PCDH9: variants seen among roughly 807,000 people sequenced by gnomAD.
The protein encoded by PCDH9 is protocadherin-9.
In PCDH9, 24 loss-of-function variants were observed where a neutral mutation model predicts 70.6. The observed-to-expected ratio is 0.34, with a 90% CI of 0.25 to 0.48. PCDH9 has a LOEUF of 0.48. Among genes scored for constraint, PCDH9 ranks in the 20% least tolerant of loss-of-function variants. PCDH9 has a pLI of 0.99. For synonymous variants in PCDH9, 562 were observed against 558.5 expected (o/e 1.01, Z -0.09); for missense variants, 1,281 against 1,503.6 (o/e 0.85, Z 2.45).
At chr13:66,999,268 G>A (rs1269527563) in intron 2 of PCDH9, among the ~76,000 whole-genome samples, 2 of 152,068 alleles carry the variant, frequency 1.3e-5, no homozygotes, top group South Asian at 4.1e-4. Flanking sequence ...TGAGATACAG[G>A]TTTCAGTCAG....
At chr13:67,036,579 A>G (rs1263107807) in intron 2 of PCDH9, among the ~76,000 whole-genome samples, 1 of 152,210 alleles carries the variant, frequency 6.6e-6, no homozygotes, top group African/African-American at 2.4e-5. Context: ...ATAAATGTCA[A>G]CTTCAGGTTT....
intron 3 of PCDH9, among the ~76,000 whole-genome samples, chr13:66,822,309 T>G (rs944794037): frequency 1.3e-5 from 2 of 152,078 alleles, no homozygotes; most frequent in African/African-American, 4.8e-5. Context: ...AAATCAGACA[T>G]CTCTCATTAA....
At chr13:67,089,495 C>T (rs371755707) in intron 2 of PCDH9, among the ~76,000 whole-genome samples, 46 of 152,068 alleles carry the variant, frequency 3.0e-4, no homozygotes, top group South Asian at 1.5e-3. Context: ...ATATACCATA[C>T]CCATATATTG....
chr13:66,700,930 A>ATGTG (rs2078633986), intron 3 of PCDH9, among the ~76,000 whole-genome samples: 1 of 61,958 alleles, frequency 1.6e-5, no homozygotes, highest in Non-Finnish European at 3.0e-5. Flanking sequence ...ATAAATATAT[A>ATGTG]TATATATATA....
intron 2 of PCDH9, among the ~76,000 whole-genome samples, chr13:67,192,129 T>C (rs1927819): frequency 0.11 from 16,746 of 152,108 alleles, 1,127 homozygotes; most frequent in South Asian, 0.17. Flanking sequence ...CAGTTCCTAG[T>C]ACATATTAAA....
chr13:66,607,493 C>T (rs1344644514), intron 4 of PCDH9, among the ~76,000 whole-genome samples: 1 of 151,938 alleles, frequency 6.6e-6, no homozygotes, highest in African/African-American at 2.4e-5. Flanking sequence ...ATATGAACTA[C>T]TCATAGTAAA....
chr13:66,424,068 C>T (rs977907881), intron 4 of PCDH9, among the ~76,000 whole-genome samples: 1 of 152,112 alleles, frequency 6.6e-6, no homozygotes, highest in African/African-American at 2.4e-5. Flanking sequence ...AGCCAACTCC[C>T]ATTCACAATT....
At chr13:66,498,324 T>C (rs1253586873) in intron 4 of PCDH9, among the ~76,000 whole-genome samples, 1 of 152,068 alleles carries the variant, frequency 6.6e-6, no homozygotes, top group Non-Finnish European at 1.5e-5. Flanking sequence ...TTTGTGTTTT[T>C]AGTAGAGACG....
At chr13:66,923,249 T>C (rs2082665503) in intron 2 of PCDH9, among the ~76,000 whole-genome samples, 1 of 151,628 alleles carries the variant, frequency 6.6e-6, no homozygotes, top group Non-Finnish European at 1.5e-5. Flanking sequence ...TAAACAGTTT[T>C]ATAATTGACA....
chr13:66,999,410 A>G (rs2084191991), intron 2 of PCDH9, among the ~76,000 whole-genome samples: 1 of 152,190 alleles, frequency 6.6e-6, no homozygotes, highest in Non-Finnish European at 1.5e-5. Context: ...TGTTCTTTGA[A>G]TTTTTAAACT....
chr13:66,378,643 A>C (rs1956791069), intron 4 of PCDH9, among the ~76,000 whole-genome samples: 1 of 152,214 alleles, frequency 6.6e-6, no homozygotes, highest in Non-Finnish European at 1.5e-5. Flanking sequence ...CTTGTGTATC[A>C]TTATCATAGT....
At chr13:67,165,636 A>T (rs1041774743) in intron 2 of PCDH9, among the ~76,000 whole-genome samples, 10 of 152,116 alleles carry the variant, frequency 6.6e-5, no homozygotes, top group African/African-American at 2.4e-4. Context: ...CTCCAGGAAA[A>T]AAAAAAGTTA....
At chr13:66,683,034 G>A (rs1209459226) in intron 3 of PCDH9, among the ~76,000 whole-genome samples, 1 of 152,110 alleles carries the variant, frequency 6.6e-6, no homozygotes, top group Non-Finnish European at 1.5e-5. Context: ...ACATTTTATA[G>A]TGCCTCTAGG....
chr13:66,715,439 A>G (rs567891901), intron 3 of PCDH9, among the ~76,000 whole-genome samples: 3 of 152,286 alleles, frequency 2.0e-5, no homozygotes, highest in African/African-American at 4.8e-5. Context: ...AGATCATGCA[A>G]TAATGAGATA....
chr13:66,985,884 C>CA (rs2083881538), intron 2 of PCDH9: 1 of 152,034 alleles, frequency 6.6e-6, no homozygotes, highest in Non-Finnish European at 1.5e-5. Flanking sequence ...AGAAAAATGA[C>CA]AGTCAATCCT....
chr13:66,387,369 A>G (rs775100285), intron 4 of PCDH9, among the ~76,000 whole-genome samples: 8 of 152,048 alleles, frequency 5.3e-5, no homozygotes, highest in Admixed American at 1.3e-4. Context: ...ACTCTCTGAT[A>G]TAGTTGGATA....
At chr13:66,500,464 C>T (rs956157968) in intron 4 of PCDH9, among the ~76,000 whole-genome samples, 12 of 151,594 alleles carry the variant, frequency 7.9e-5, no homozygotes, top group African/African-American at 2.7e-4. Context: ...TATGTAAGAC[C>T]GGATAAGTAA....
At chr13:66,812,296 T>G (rs1192033652) in intron 3 of PCDH9, among the ~76,000 whole-genome samples, 1 of 151,952 alleles carries the variant, frequency 6.6e-6, no homozygotes, top group Non-Finnish European at 1.5e-5. Flanking sequence ...TACCATACAA[T>G]AAATTGTATG....
In PCDH9 at chr13:66,934,987, T is replaced by C. The variant is rs1004678654; in HGVS notation, c.3037-31382A>G. ...CGCCCGCCTCGGCCTCCCAAAGTGCTGGGATTACAGGCGTGAGCCACCGCG... is the reference window on the plus strand; with the variant it reads ...CGCCCGCCTCGGCCTCCCAAAGTGCCGGGATTACAGGCGTGAGCCACCGCG... On this transcript the variant is annotated intron_variant, in intron 2 of 4. Transcript: ENST00000377865. Among the ~76,000 whole-genome samples the C allele has an allele frequency of 4.6e-5, 7 of 152,098 alleles. No homozygotes were observed. The East Asian group carries it at 9.7e-4, about 21-fold the overall frequency.
Sources: allele counts gnomAD v4.1 joint callset (sites outside exome capture counted in the v4.1 genomes callset), GRCh38; gene constraint gnomAD v4.1.1; transcripts MANE v1.5; gene names NCBI Gene and HGNC (gene_info 2026-07-23, HGNC 2026-07-21).